The following DPP6 variants were observed in gnomAD, a reference collection of about 807,000 sequenced individuals.
The protein encoded by DPP6 is dipeptidyl peptidase like 6, also known as A-type potassium channel modulatory protein DPP6.
Under a neutral mutation model 122.6 loss-of-function variants are expected in DPP6, and 69 were observed. That is an observed-to-expected ratio of 0.56 (90% CI 0.46 to 0.69). The LOEUF (loss-of-function observed/expected upper bound fraction) is 0.69. Among genes scored for constraint, DPP6 ranks in the 30% least tolerant of loss-of-function variants. The probability of loss-of-function intolerance (pLI) is 0.00; values close to 1 mark genes in which losing one functional copy is unlikely to be tolerated. For synonymous variants in DPP6, 418 were observed against 433.1 expected (o/e 0.97, Z 0.43); for missense variants, 928 against 1,116.9 (o/e 0.83, Z 2.41).
chr7:154,240,304 A>G (rs567055644), intron 1 of DPP6, among the ~76,000 whole-genome samples: 1 of 152,290 alleles, frequency 6.6e-6, no homozygotes, highest in African/African-American at 2.4e-5. Flanking sequence ...ATGCCTCTGG[A>G]GAATGCTGCA....
chr7:154,666,574 A>G (rs1305410000), intron 6 of DPP6, among the ~76,000 whole-genome samples: 1 of 152,116 alleles, frequency 6.6e-6, no homozygotes, highest in Non-Finnish European at 1.5e-5. Flanking sequence ...TATAATCACC[A>G]TACTCTGCAA....
chr7:154,262,615 G>T (rs865959085), intron 1 of DPP6, among the ~76,000 whole-genome samples: 1 of 145,632 alleles, frequency 6.9e-6, no homozygotes. Flanking sequence ...AACTCAAGGG[G>T]GCTTTATTTT....
At chr7:154,082,430 G>A (rs549886254) in intron 1 of DPP6, among the ~76,000 whole-genome samples, 14 of 152,234 alleles carry the variant, frequency 9.2e-5, no homozygotes, top group East Asian at 3.9e-4. Flanking sequence ...AGAGGAAAGC[G>A]TGGCTTTTGG....
intron 1 of DPP6, among the ~76,000 whole-genome samples, chr7:154,393,519 G>A (rs1174965680): frequency 2.0e-5 from 3 of 151,252 alleles, no homozygotes; most frequent in Non-Finnish European, 2.9e-5. Flanking sequence ...CTGTGGATAA[G>A]CTTTGGAGTT....
chr7:153,838,395 T>G, the DPP6 span, among the ~76,000 whole-genome samples: 1 of 152,174 alleles, frequency 6.6e-6, no homozygotes, highest in South Asian at 2.1e-4. Context: ...TTCAGTGGAA[T>G]TTCTTCACCC....
intron 8 of DPP6, among the ~76,000 whole-genome samples, chr7:154,749,666 G>A (rs1087700): frequency 1.1e-5 from 1 of 91,244 alleles, no homozygotes; most frequent in Non-Finnish European, 2.3e-5. Flanking sequence ...GGGCATTACT[G>A]AGAGAGGATG....
At chr7:153,853,582 A>G in the DPP6 span, among the ~76,000 whole-genome samples, 1 of 152,296 alleles carries the variant, frequency 6.6e-6, no homozygotes, top group Non-Finnish European at 1.5e-5. Context: ...GACTTGTACT[A>G]GGCCTGGATG....
chr7:154,152,131 T>C (rs1301432802), intron 1 of DPP6, among the ~76,000 whole-genome samples: 2 of 151,492 alleles, frequency 1.3e-5, no homozygotes, highest in East Asian at 3.9e-4. Context: ...GAGAGACTTT[T>C]CTTAGGTGTA....
intron 1 of DPP6, among the ~76,000 whole-genome samples, chr7:154,373,105 A>G (rs1050660453): frequency 5.3e-5 from 8 of 152,074 alleles, no homozygotes; most frequent in African/African-American, 1.4e-4. Context: ...ACATTCTTTC[A>G]TTTAAAAAAA....
At chr7:154,079,351 A>G (rs1803820514) in intron 1 of DPP6, among the ~76,000 whole-genome samples, 2 of 151,492 alleles carry the variant, frequency 1.3e-5, no homozygotes, top group Admixed American at 1.3e-4. Flanking sequence ...GTAAAAAAAG[A>G]CACATCAGGT....
At chr7:154,173,268 A>C (rs998864476) in intron 1 of DPP6, among the ~76,000 whole-genome samples, 1 of 152,204 alleles carries the variant, frequency 6.6e-6, no homozygotes, top group African/African-American at 2.4e-5. Context: ...AATTTGTTTT[A>C]GGGATGGAGA....
chr7:154,447,256 T>C (rs1167347238), intron 2 of DPP6, among the ~76,000 whole-genome samples: 1 of 152,014 alleles, frequency 6.6e-6, no homozygotes. Context: ...CAGTGAGCCA[T>C]GATTGCGCCA....
the DPP6 span, among the ~76,000 whole-genome samples, chr7:153,755,771 A>G: frequency 2.6e-5 from 4 of 151,954 alleles, no homozygotes; most frequent in Non-Finnish European, 5.9e-5. Context: ...CCACTTTCCA[A>G]GTGAGTCCTC....
At chr7:154,406,317 G>A (rs1407141796) in intron 1 of DPP6, among the ~76,000 whole-genome samples, 2 of 152,184 alleles carry the variant, frequency 1.3e-5, no homozygotes, top group Non-Finnish European at 2.9e-5. Context: ...GTCATGGTTT[G>A]TGGACCAATG....
At chr7:154,367,744 A>G (rs7455715) in intron 1 of DPP6, among the ~76,000 whole-genome samples, 22,398 of 152,224 alleles carry the variant, frequency 0.15, 4,659 homozygotes, top group African/African-American at 0.47. Flanking sequence ...GTGTAAATAT[A>G]ATTTCCTGAA....
At chr7:154,656,480 G>T (rs371244171) in intron 6 of DPP6, among the ~76,000 whole-genome samples, 13 of 152,122 alleles carry the variant, frequency 8.5e-5, no homozygotes, top group African/African-American at 3.1e-4. Flanking sequence ...TGTGCAGGGA[G>T]AGACCACCCA....
the DPP6 span, among the ~76,000 whole-genome samples, chr7:153,857,384 G>C: frequency 7.8e-6 from 1 of 128,364 alleles, no homozygotes; most frequent in Non-Finnish European, 1.6e-5. Context: ...AAAATTGCTG[G>C]TGCTAGTTGC....
At chr7:154,487,710 T>A (rs1042344971) in intron 3 of DPP6, among the ~76,000 whole-genome samples, 1 of 152,240 alleles carries the variant, frequency 6.6e-6, no homozygotes, top group Non-Finnish European at 1.5e-5. Context: ...GATATTCACA[T>A]GAGCACTGAC....
Position 154,199,605 on chromosome 7 carries a change from C to CT in DPP6, c.243+146554dup, listed in dbSNP as rs1016653338. On this transcript the variant is annotated intron_variant, in intron 1 of 25. Transcript: ENST00000377770. ...CTCATGGCATCTATACTCTCAGCCA[C>CT]TTTTTTTTTTTTCTTTTTTTTTGAG... 2.0e-3 allele frequency among the ~76,000 whole-genome samples: 290 copies of CT among 145,460 alleles called. 1 individual carries two copies. Among genetic ancestry groups the CT allele is most frequent in the Middle Eastern group, 7.2e-3 (2 of 278 alleles).
Sources: gnomAD v4.1 joint callset for allele counts (sites outside exome capture counted in the v4.1 genomes callset) on GRCh38, gnomAD v4.1.1 for gene constraint, MANE v1.5 for transcripts, NCBI Gene and HGNC (gene_info 2026-07-23, HGNC 2026-07-21) for gene names.